Variants in LHFPL3 observed in about 807,000 individuals in gnomAD.
The protein encoded by LHFPL3 is LHFPL tetraspan subfamily member 3.
In LHFPL3, 5 loss-of-function variants were observed where a neutral mutation model predicts 19.3. That is an observed-to-expected ratio of 0.26 (90% confidence interval 0.14 to 0.54). The LOEUF is 0.54. LHFPL3 is among the 20% of genes least tolerant of loss of function. The probability of loss-of-function intolerance (pLI) is 0.94; values close to 1 mark genes in which losing one functional copy is unlikely to be tolerated. For synonymous variants in LHFPL3, 133 were observed against 126.2 expected, an observed-to-expected ratio of 1.05 and a Z score of -0.36; for missense variants, 249 against 307.4, an observed-to-expected ratio of 0.81 and a Z score of 1.42.
At chr7:104,654,895 C>T (rs1231819533) in intron 1 of LHFPL3, among the ~76,000 whole-genome samples, 1 of 152,172 alleles carries the variant, frequency 6.6e-6, no homozygotes, top group Non-Finnish European at 1.5e-5. Flanking sequence ...CTTTCTTATA[C>T]ACAGAGGTAC....
chr7:104,409,381 T>C (rs540119907), intron 1 of LHFPL3, among the ~76,000 whole-genome samples: 66 of 152,130 alleles, frequency 4.3e-4, no homozygotes, highest in African/African-American at 1.3e-3. Context: ...GAAAGCATAT[T>C]GGGTGACCCC....
At chr7:104,730,014 T>C (rs914431716) in intron 1 of LHFPL3, among the ~76,000 whole-genome samples, 1 of 152,088 alleles carries the variant, frequency 6.6e-6, no homozygotes, top group Non-Finnish European at 1.5e-5. Context: ...TTTGTCCTTG[T>C]GATAGTCTGC....
intron 1 of LHFPL3, among the ~76,000 whole-genome samples, chr7:104,666,127 G>T (rs1481202143): frequency 6.6e-6 from 1 of 152,140 alleles, no homozygotes; most frequent in East Asian, 1.9e-4. Flanking sequence ...TCTAGTCACA[G>T]TATTTAAGGT....
chr7:104,397,291 C>T (rs926908409), intron 1 of LHFPL3, among the ~76,000 whole-genome samples: 15 of 152,050 alleles, frequency 9.9e-5, no homozygotes, highest in African/African-American at 3.4e-4. Flanking sequence ...ACTCTGTTAG[C>T]CCCAAAAGTA....
chr7:104,354,485 A>G (rs73712105), intron 1 of LHFPL3, among the ~76,000 whole-genome samples: 4,788 of 152,310 alleles, frequency 0.031, 251 homozygotes, highest in African/African-American at 0.11. Flanking sequence ...GCCCCCACAC[A>G]TCTGCTGGCA....
intron 1 of LHFPL3, among the ~76,000 whole-genome samples, chr7:104,605,222 A>G (rs917897080): frequency 1.3e-5 from 2 of 152,116 alleles, no homozygotes; most frequent in African/African-American, 4.8e-5. Flanking sequence ...CAAATAATGG[A>G]TTTTACTTTG....
chr7:104,676,801 G>A (rs1792601646), intron 1 of LHFPL3, among the ~76,000 whole-genome samples: 1 of 152,208 alleles, frequency 6.6e-6, no homozygotes, highest in Admixed American at 6.5e-5. Flanking sequence ...CTGGAGGACA[G>A]TGTGTCCTAT....
At chr7:104,890,163 G>T (rs1792216762) in intron 2 of LHFPL3, among the ~76,000 whole-genome samples, 1 of 152,100 alleles carries the variant, frequency 6.6e-6, no homozygotes, top group African/African-American at 2.4e-5. Flanking sequence ...AATTAGCCAG[G>T]CTTCATGGCA....
At chr7:104,338,027 A>G (rs879779776) in intron 1 of LHFPL3, among the ~76,000 whole-genome samples, 9 of 152,092 alleles carry the variant, frequency 5.9e-5, no homozygotes, top group Non-Finnish European at 1.2e-4. Context: ...TTGGATTAAA[A>G]GAGAGTAGAA....
intron 1 of LHFPL3, among the ~76,000 whole-genome samples, chr7:104,472,593 A>G (rs957760515): frequency 6.6e-6 from 1 of 152,128 alleles, no homozygotes; most frequent in Non-Finnish European, 1.5e-5. Flanking sequence ...GTGCGTGAGT[A>G]TTTGCAAATA....
chr7:104,827,612 G>GT lies in LHFPL3; in HGVS notation c.683-78564dup, dbSNP rs1048553929. Among the ~76,000 whole-genome samples the GT allele has an allele frequency of 3.6e-3, 512 of 142,068 alleles. 7 individuals carry two copies. Among genetic ancestry groups the GT allele is most frequent in the Middle Eastern group, 0.011 (3 of 282 alleles). 93.2% of individuals were successfully genotyped at this position (142,068 alleles called of 152,430 possible). On this transcript the variant is annotated intron_variant, in intron 2 of 2. Transcript: ENST00000424859. ...CTGTCTCAAATATCTGTTTTGTTTT[G>GT]TTTTTTTTTTTGATTGATAGTATCT...
At chr7:104,579,393 A>T (rs928637508) in intron 1 of LHFPL3, among the ~76,000 whole-genome samples, 6 of 152,196 alleles carry the variant, frequency 3.9e-5, no homozygotes, top group Admixed American at 2.6e-4. Context: ...GCTCCCACTG[A>T]CAAGTGAGAA....
chr7:104,868,114 C>T (rs1398068849), intron 2 of LHFPL3, among the ~76,000 whole-genome samples: 1 of 152,138 alleles, frequency 6.6e-6, no homozygotes, highest in Non-Finnish European at 1.5e-5. Flanking sequence ...AAACCCACAG[C>T]CAATATCATA....
intron 1 of LHFPL3, among the ~76,000 whole-genome samples, chr7:104,438,998 A>G (rs1169827636): frequency 2.0e-4 from 31 of 152,226 alleles, no homozygotes; most frequent in Non-Finnish European, 5.9e-5. Flanking sequence ...GATGAAATTG[A>G]CAATTTTTTG....
intron 2 of LHFPL3, among the ~76,000 whole-genome samples, chr7:104,896,261 A>G (rs921228578): frequency 4.6e-5 from 7 of 152,214 alleles, no homozygotes; most frequent in Admixed American, 3.9e-4. Context: ...TTGAGCAGCA[A>G]CTATGTGCCA....
chr7:104,629,354 A>G (rs1048735165), intron 1 of LHFPL3, among the ~76,000 whole-genome samples: 2 of 152,088 alleles, frequency 1.3e-5, no homozygotes, highest in Admixed American at 6.6e-5. Context: ...TAGATTGGCC[A>G]CTGTTCATGA....
At chr7:104,420,074 G>A (rs1791696254) in intron 1 of LHFPL3, among the ~76,000 whole-genome samples, 1 of 152,190 alleles carries the variant, frequency 6.6e-6, no homozygotes, top group Non-Finnish European at 1.5e-5. Context: ...GTTCCAGGGG[G>A]CCAGAACTCA....
intron 2 of LHFPL3, among the ~76,000 whole-genome samples, chr7:104,796,060 C>T (rs995417638): frequency 6.6e-6 from 1 of 152,208 alleles, no homozygotes. Context: ...TCCACTGTCA[C>T]TCTTCAGCTC....
intron 2 of LHFPL3, among the ~76,000 whole-genome samples, chr7:104,832,553 T>G (rs553913814): frequency 6.6e-6 from 1 of 151,824 alleles, no homozygotes; most frequent in Admixed American, 6.5e-5. Context: ...CTTCATCCAC[T>G]TCAAATAGCT....
Sources: gnomAD v4.1 joint callset for allele counts (sites outside exome capture counted in the v4.1 genomes callset) on GRCh38, gnomAD v4.1.1 for gene constraint, MANE v1.5 for transcripts, NCBI Gene and HGNC (gene_info 2026-07-23, HGNC 2026-07-21) for gene names.